Variants in RLIG1 observed in about 807,000 individuals in gnomAD.
RLIG1 encodes the protein RNA 5'-phosphate and 3'-OH ligase 1, also known as RNA ligase 1.
chr12:88,038,925 T>C, the RLIG1 span, among the ~76,000 whole-genome samples: 1 of 152,162 alleles, frequency 6.6e-6, no homozygotes, highest in African/African-American at 2.4e-5. Flanking sequence ...ATCATGCAGT[T>C]GAGGAGGAAA....
chr12:88,047,527 A>G, the RLIG1 span, among the ~76,000 whole-genome samples: 7 of 152,248 alleles, frequency 4.6e-5, no homozygotes, highest in Admixed American at 3.9e-4. Context: ...TCATTACTTC[A>G]TACATCCAGT....
chr12:88,037,086 T>A, the RLIG1 span, among the ~76,000 whole-genome samples: 3 of 152,320 alleles, frequency 2.0e-5, no homozygotes, highest in East Asian at 5.8e-4. Context: ...AGGCTCAATC[T>A]ACCTTCCATC....
At chr12:88,045,644 G>T in the RLIG1 span, 18 of 1,613,010 alleles carry the variant, frequency 1.1e-5, no homozygotes, top group Non-Finnish European at 1.5e-5. Flanking sequence ...AGTTAATTAT[G>T]AATTTGAAAT....
At chr12:88,043,494 C>T in the RLIG1 span, 4 of 645,080 alleles carry the variant, frequency 6.2e-6, no homozygotes, top group African/African-American at 1.8e-5. Context: ...TGTATCACAC[C>T]TGATATTATG....
the RLIG1 span, among the ~76,000 whole-genome samples, chr12:88,038,006 A>C: frequency 6.6e-6 from 1 of 152,204 alleles, no homozygotes; most frequent in Admixed American, 6.5e-5. Context: ...AGGGACAAAA[A>C]GTGAGTACTC....
the RLIG1 span, among the ~76,000 whole-genome samples, chr12:88,043,263 GTAGA>G: frequency 1.1e-4 from 17 of 151,834 alleles, no homozygotes; most frequent in African/African-American, 3.6e-4. Flanking sequence ...AATATCTGTA[GTAGA>G]TACTCATTGT....
chr12:88,042,686 A>G, the RLIG1 span: 9 of 489,824 alleles, frequency 1.8e-5, no homozygotes, highest in Middle Eastern at 9.0e-4. Flanking sequence ...GCTAGGAGGT[A>G]TATATTCTTA....
At chr12:88,048,306 A>G in the RLIG1 span, 2 of 1,604,172 alleles carry the variant, frequency 1.2e-6, no homozygotes. Flanking sequence ...AGTTATTATC[A>G]ACATGAACCT....
At chr12:88,048,427 C>CAAAT in the RLIG1 span, 1 of 1,316,184 alleles carries the variant, frequency 7.6e-7, no homozygotes. Context: ...GTATAAAATG[C>CAAAT]AAATAAAATT....
the RLIG1 span, chr12:88,035,696 G>A: frequency 1.2e-6 from 2 of 1,608,410 alleles, 1 homozygote; most frequent in African/African-American, 2.7e-5. Flanking sequence ...GTGTGTTTGT[G>A]ACGGAGGTGA....
chr12:88,041,694 T>G, the RLIG1 span: 4 of 152,254 alleles, frequency 2.6e-5, no homozygotes, highest in African/African-American at 9.6e-5. Flanking sequence ...AAACAAAAGG[T>G]CCATTGAACC....
the RLIG1 span, chr12:88,048,229 TCCAG>T: frequency 6.5e-7 from 1 of 1,541,406 alleles, no homozygotes; most frequent in Admixed American, 2.1e-5. Flanking sequence ...TTTTTCTCTT[TCCAG>T]GTCCATCGCC....
the RLIG1 span, chr12:88,049,378 A>G: frequency 6.5e-6 from 10 of 1,546,548 alleles, no homozygotes; most frequent in South Asian, 1.2e-4. Flanking sequence ...GAAGGATCAA[A>G]ATTTTCCAGT....
At chr12:88,042,775 A>G in the RLIG1 span, 1 of 1,198,810 alleles carries the variant, frequency 8.3e-7, no homozygotes, top group South Asian at 1.8e-5. Context: ...ATGTCTTTCA[A>G]GATAAGTTTT....
At chr12:88,043,793 A>G in the RLIG1 span, 1 of 1,044,330 alleles carries the variant, frequency 9.6e-7, no homozygotes, top group Non-Finnish European at 1.4e-6. Flanking sequence ...CAGAAATTAC[A>G]GAATTTTAAT....
chr12:88,044,083 G>A, the RLIG1 span: 10 of 207,164 alleles, frequency 4.8e-5, no homozygotes, highest in Non-Finnish European at 8.6e-5. Flanking sequence ...GACTAACCTG[G>A]GCAACATGGC....
the RLIG1 span, chr12:88,035,871 CCTGGGGAGGT>C: frequency 4.1e-5 from 62 of 1,513,350 alleles, no homozygotes; most frequent in Non-Finnish European, 5.3e-5. Flanking sequence ...TGTAGGTTTC[CCTGGGGAGGT>C]CTGGGGTGGG....
chr12:88,048,594 A>G, the RLIG1 span: 4 of 462,878 alleles, frequency 8.6e-6, no homozygotes, highest in Admixed American at 4.4e-5. Flanking sequence ...AAAAACCAGC[A>G]AATTAATTTT....
At chr12:88,039,156 C>T in the RLIG1 span, among the ~76,000 whole-genome samples, 3 of 152,146 alleles carry the variant, frequency 2.0e-5, no homozygotes, top group East Asian at 3.9e-4. Context: ...TAATGAGCAT[C>T]TATTAGCTTT....
Sources: gnomAD v4.1 joint callset for allele counts (sites outside exome capture counted in the v4.1 genomes callset) on GRCh38, gnomAD v4.1.1 for gene constraint, MANE v1.5 for transcripts, NCBI Gene and HGNC (gene_info 2026-07-23, HGNC 2026-07-21) for gene names.